CDH2: variants seen among roughly 807,000 people sequenced by gnomAD.
CDH2 encodes cadherin 2, also known as cadherin-2.
Under a neutral mutation model 92.0 loss-of-function variants are expected in CDH2, and 17 were observed. The ratio of observed to expected loss-of-function variants is 0.18; its 90% CI spans 0.13 to 0.28. The LOEUF is 0.28. Among genes scored for constraint, CDH2 ranks in the 10% least tolerant of loss-of-function variants. The pLI is 1.00. For synonymous variants in CDH2, 419 were observed against 415.9 expected (o/e 1.01, Z -0.09); for missense variants, 862 against 1,133.1 (o/e 0.76, Z 3.44).
intron 14 of CDH2, among the ~76,000 whole-genome samples, chr18:27,976,465 C>T (rs969542522): frequency 6.6e-6 from 1 of 152,192 alleles, no homozygotes; most frequent in Non-Finnish European, 1.5e-5. Context: ...AGCCTTCTGA[C>T]AAATTCGCAT....
chr18:28,144,717 T>C (rs1598505869), intron 2 of CDH2, among the ~76,000 whole-genome samples: 1 of 152,184 alleles, frequency 6.6e-6, no homozygotes, highest in Middle Eastern at 3.4e-3. Context: ...AAGGCCTATA[T>C]AGCCATTTTT....
intron 2 of CDH2, among the ~76,000 whole-genome samples, chr18:28,062,221 CTT>C (rs2014417559): frequency 6.6e-6 from 1 of 152,032 alleles, no homozygotes; most frequent in Non-Finnish European, 1.5e-5. Context: ...CCATTTATCT[CTT>C]TTTAAAAATT....
intron 2 of CDH2, among the ~76,000 whole-genome samples, chr18:28,145,462 A>C (rs1414461255): frequency 6.6e-6 from 1 of 152,120 alleles, no homozygotes; most frequent in Non-Finnish European, 1.5e-5. Flanking sequence ...TATACAGTAC[A>C]TGAATTTACT....
chr18:28,109,350 G>GC (rs1230316905), intron 2 of CDH2, among the ~76,000 whole-genome samples: 1 of 152,098 alleles, frequency 6.6e-6, no homozygotes, highest in Non-Finnish European at 1.5e-5. Flanking sequence ...AACATGAAAT[G>GC]CCCTCCAATT....
chr18:27,996,939 T>C lies in CDH2; in HGVS notation c.1021-3302A>G, dbSNP rs538170992. Reference sequence around the variant, plus strand: ...CTTTTCCCAAAACCACAGTGATTCATGCACAGTAGTCCCAATTCTAACATT... The same window carrying C: ...CTTTTCCCAAAACCACAGTGATTCACGCACAGTAGTCCCAATTCTAACATT... On this transcript the variant is annotated intron_variant, in intron 7 of 15. Coordinates refer to ENST00000269141, the MANE Select transcript of CDH2 (RefSeq NM_001792.5). Among the ~76,000 whole-genome samples, 3 of 152,250 alleles carry C rather than the reference T, an allele frequency of 2.0e-5. No individual in the cohort carries two copies. The South Asian group carries it at 6.2e-4, about 32-fold the overall frequency.
At chr18:27,934,848 T>C (rs1908981771) in intron 6 of CDH2, among the ~76,000 whole-genome samples, 4 of 152,060 alleles carry the variant, frequency 2.6e-5, no homozygotes, top group South Asian at 2.1e-4. Context: ...AGAATGTCAA[T>C]TGATGATATC....
rs563645126 is a variant in CDH2, at chr18:27,965,756, G to T, written c.2350-2235C>A. Among the ~76,000 whole-genome samples, 7 of 152,088 alleles carry T rather than the reference G, an allele frequency of 4.6e-5. No individual in the cohort carries two copies. In the South Asian group the frequency reaches 1.5e-3, roughly 32 times the overall value. ...CCCCTGCACTTTGGGAGGCCAAGGC[G>T]GGTAGATCATAAGGTCAGGAGTTCA... On this transcript the variant is annotated intron_variant, in intron 14 of 15. Transcript: ENST00000269141.
rs1909477603 is a variant in CDH2 at position 27,951,989 on chromosome 18, ACT to A, written c.*162_*163del. ...AGTGTTTTTCCAAACAGTATGGATC[ACT>A]GATATTCCCTCTGAGCCCAAATTGG... On this transcript the variant is annotated 3_prime_UTR_variant, in exon 16 of 16. Transcript: ENST00000269141. 1.6e-6 allele frequency: 1 copy of A among 631,950 alleles called. No homozygotes were observed. The highest frequency in any genetic ancestry group is 2.8e-6 in the Non-Finnish European group (1 of 354,456). The allele number at this position is 631,950 out of a possible 1,614,324, so 39.1% of individuals were successfully genotyped here.
rs2014874159 is a variant in CDH2, at chr18:28,083,722, T to C, written c.172+63951A>G. Among the ~76,000 whole-genome samples the C allele has an allele frequency of 2.0e-5, 3 of 152,174 alleles. No homozygotes were observed. In the South Asian group the frequency reaches 6.2e-4, roughly 31 times the overall value. ...ATAAAAGGTATGATGGATTTTAAGG[T>C]CGATTGAAAATATAAATATACACCC... On this transcript the variant is annotated intron_variant, in intron 2 of 15. Coordinates refer to ENST00000269141, the MANE Select transcript of CDH2 (RefSeq NM_001792.5).
At chr18:27,948,944 GTTT>G (rs978187431), downstream of CDH2, among the ~76,000 whole-genome samples, 3 of 151,850 alleles carry the variant, frequency 2.0e-5, no homozygotes, top group Admixed American at 6.6e-5. Flanking sequence ...CTGTATGCAT[GTTT>G]TTTTATTAGC....
At chr18:28,000,103 C>A (rs868711223) in intron 7 of CDH2, among the ~76,000 whole-genome samples, 2 of 151,220 alleles carry the variant, frequency 1.3e-5, no homozygotes, top group South Asian at 4.2e-4. Flanking sequence ...TTCTTTATAG[C>A]AGTGTGAGAA....
At chr18:28,075,115 A>T (rs2014694030) in intron 2 of CDH2, among the ~76,000 whole-genome samples, 1 of 152,152 alleles carries the variant, frequency 6.6e-6, no homozygotes, top group Admixed American at 6.6e-5. Flanking sequence ...CCTTTATTCT[A>T]GTGACTATAC....
intron 2 of CDH2, among the ~76,000 whole-genome samples, chr18:28,083,973 C>T (rs546645253): frequency 2.0e-4 from 31 of 152,130 alleles, no homozygotes; most frequent in African/African-American, 6.5e-4. Flanking sequence ...GCAATTTTGC[C>T]GCATTTAGAG....
chr18:28,085,746 C>A (rs1374123817), intron 2 of CDH2, among the ~76,000 whole-genome samples: 2 of 152,154 alleles, frequency 1.3e-5, no homozygotes, highest in African/African-American at 4.8e-5. Flanking sequence ...TATTCCTATT[C>A]TCAACCCTAG....
At chr18:28,043,885 C>T (rs2144111993) in intron 2 of CDH2, among the ~76,000 whole-genome samples, 1 of 123,122 alleles carries the variant, frequency 8.1e-6, no homozygotes, top group East Asian at 2.3e-4. Context: ...TTCTCAGAAT[C>T]TCGGATTTTT....
chr18:28,038,512 T>C (rs2013884941), intron 2 of CDH2, among the ~76,000 whole-genome samples: 1 of 151,386 alleles, frequency 6.6e-6, no homozygotes, highest in South Asian at 2.1e-4. Context: ...AAAGGACTCA[T>C]AAACTACCCC....
intron 2 of CDH2, among the ~76,000 whole-genome samples, chr18:28,129,136 T>C (rs2015726146): frequency 6.6e-6 from 1 of 152,202 alleles, no homozygotes; most frequent in Non-Finnish European, 1.5e-5. Flanking sequence ...TAGAATTGCT[T>C]TGTGTGATCT....
chr18:28,158,130 CAT>C (rs772468753), intron 1 of CDH2, among the ~76,000 whole-genome samples: 1 of 152,116 alleles, frequency 6.6e-6, no homozygotes, highest in African/African-American at 2.4e-5. Context: ...AGTAGCTGGC[CAT>C]AGTGATGATT....
At chr18:28,061,597 C>T (rs1044079142) in intron 2 of CDH2, among the ~76,000 whole-genome samples, 5 of 152,108 alleles carry the variant, frequency 3.3e-5, no homozygotes, top group South Asian at 2.1e-4. Flanking sequence ...ACACAGAGCA[C>T]GACTCCGTCT....
Sources: gnomAD v4.1 joint callset for allele counts (sites outside exome capture counted in the v4.1 genomes callset) on GRCh38, gnomAD v4.1.1 for gene constraint, MANE v1.5 for transcripts, NCBI Gene and HGNC (gene_info 2026-07-23, HGNC 2026-07-21) for gene names.